CFAP77: variants seen among roughly 807,000 people sequenced by gnomAD.
CFAP77 encodes cilia- and flagella-associated protein 77.
A neutral mutation model predicts 31.1 loss-of-function variants in CFAP77; 25 were observed. The ratio of observed to expected loss-of-function variants is 0.80; its 90% CI spans 0.59 to 1.12. The LOEUF (loss-of-function observed/expected upper bound fraction) is 1.12, where lower values mean the gene tolerates loss of function less well. Among genes scored for constraint, CFAP77 ranks in the 50% most tolerant of loss-of-function variants. CFAP77 has a pLI of 0.00. For synonymous variants in CFAP77, 151 were observed against 159.9 expected (o/e 0.94, Z 0.42); for missense variants, 377 against 397.3 (o/e 0.95, Z 0.44).
intron 1 of CFAP77, among the ~76,000 whole-genome samples, chr9:132,459,228 C>T (rs943706155): frequency 2.0e-5 from 3 of 152,172 alleles, no homozygotes; most frequent in South Asian, 2.1e-4. Context: ...CCCGCCACCA[C>T]GCCCAGCTAA....
intron 1 of CFAP77, among the ~76,000 whole-genome samples, chr9:132,474,282 G>A (rs987775236): frequency 6.6e-6 from 1 of 152,182 alleles, no homozygotes; most frequent in South Asian, 2.1e-4. Flanking sequence ...CCTCTGTTCT[G>A]TTTGGCTTTC....
intron 1 of CFAP77, among the ~76,000 whole-genome samples, chr9:132,456,439 A>T (rs964319111): frequency 6.6e-5 from 10 of 152,222 alleles, no homozygotes; most frequent in Non-Finnish European, 1.3e-4. Flanking sequence ...GGCGCCAGGC[A>T]TGCGGTCAGA....
chr9:132,523,616 G>A (rs905258056), intron 3 of CFAP77, among the ~76,000 whole-genome samples: 6 of 152,302 alleles, frequency 3.9e-5, no homozygotes, highest in African/African-American at 9.6e-5. Context: ...AGGGGGGTCC[G>A]AGAACACCTG....
intron 5 of CFAP77, among the ~76,000 whole-genome samples, chr9:132,551,157 A>T (rs567311046): frequency 3.3e-5 from 5 of 152,304 alleles, no homozygotes; most frequent in Admixed American, 3.3e-4. Flanking sequence ...CAGTTTGACC[A>T]AAGTCCAGTA....
Position 132,530,136 on chromosome 9 carries a change from C to CTTTTTTTTTTTT in CFAP77, c.525-7455_525-7444dup, listed in dbSNP as rs750962954. Among the ~76,000 whole-genome samples the CTTTTTTTTTTTT allele has an allele frequency of 6.2e-3, 576 of 93,156 alleles. 1 individual carries two copies. The highest frequency in any genetic ancestry group is 0.018 in the Middle Eastern group (2 of 110). 61.1% of individuals were successfully genotyped at this position (93,156 alleles called of 152,430 possible). ...TTTGCCTCTTTTCTTTCTTTCTTTT[C>CTTTTTTTTTTTT]TTTTTTTTTTTTTTTTTTTTTGGTT... On this transcript the variant is annotated intron_variant, in intron 3 of 5. Transcript: ENST00000393216.
At chr9:132,561,602 T>G (rs1204827558) in intron 5 of CFAP77, among the ~76,000 whole-genome samples, 2 of 131,732 alleles carry the variant, frequency 1.5e-5, no homozygotes, top group Non-Finnish European at 3.2e-5. Context: ...TTGAGGTGCA[T>G]GTACACACAC....
chr9:132,441,821 G>T (rs760375614), intron 1 of CFAP77, among the ~76,000 whole-genome samples: 4 of 152,212 alleles, frequency 2.6e-5, no homozygotes, highest in Non-Finnish European at 4.4e-5. Context: ...TCCAAGGGTG[G>T]CTGGTGTGTC....
At chr9:132,538,004 C>CG (rs949588372) in intron 4 of CFAP77, among the ~76,000 whole-genome samples, 2 of 152,138 alleles carry the variant, frequency 1.3e-5, no homozygotes, top group Non-Finnish European at 2.9e-5. Context: ...ACTCCTACCT[C>CG]GGGACCCTTC....
intron 1 of CFAP77, among the ~76,000 whole-genome samples, chr9:132,440,719 C>T (rs564025651): frequency 7.6e-4 from 116 of 152,336 alleles, no homozygotes; most frequent in Non-Finnish European, 1.4e-3. Flanking sequence ...TCTGCTACCA[C>T]CCTGGGAGGG....
intron 5 of CFAP77, among the ~76,000 whole-genome samples, chr9:132,550,802 C>T (rs1852810149): frequency 6.6e-6 from 1 of 152,058 alleles, no homozygotes; most frequent in Non-Finnish European, 1.5e-5. Context: ...GGGGTGGAGA[C>T]CCAAAGCCAC....
intron 3 of CFAP77, among the ~76,000 whole-genome samples, chr9:132,508,010 G>A (rs1029482764): frequency 6.6e-5 from 10 of 152,200 alleles, no homozygotes; most frequent in Non-Finnish European, 1.5e-4. Flanking sequence ...AGAGCGCAGG[G>A]AGAATGTCAG....
At chr9:132,543,072 C>A (rs753565718) in intron 5 of CFAP77, 25 bp downstream of exon 5, 31 of 1,583,050 alleles carry the variant, frequency 2.0e-5, no homozygotes, top group Non-Finnish European at 2.7e-5. Flanking sequence ...CATCCACACC[C>A]CTCCCTGCAC....
intron 1 of CFAP77, among the ~76,000 whole-genome samples, chr9:132,450,588 A>T (rs2131712809): frequency 1.3e-5 from 2 of 152,334 alleles, no homozygotes; most frequent in African/African-American, 4.8e-5. Flanking sequence ...GTGCCTACCT[A>T]CATACAGCTG....
intron 1 of CFAP77, among the ~76,000 whole-genome samples, chr9:132,459,004 T>C (rs1177085951): frequency 6.6e-6 from 1 of 151,488 alleles, no homozygotes; most frequent in African/African-American, 2.4e-5. Flanking sequence ...GGGGTAAAAA[T>C]GAAAAGATAG....
At chr9:132,560,765 G>A (rs1384379451) in intron 5 of CFAP77, among the ~76,000 whole-genome samples, 4 of 152,090 alleles carry the variant, frequency 2.6e-5, no homozygotes, top group East Asian at 3.9e-4. Context: ...ATGGTCCCCC[G>A]CCCCATCCCC....
chr9:132,430,504 C>T (rs546016112), intron 1 of CFAP77, among the ~76,000 whole-genome samples: 1 of 152,184 alleles, frequency 6.6e-6, no homozygotes, highest in Admixed American at 6.5e-5. Flanking sequence ...AAGAATGTTT[C>T]CATTCTTCCC....
chr9:132,560,616 C>T (rs181623273), intron 5 of CFAP77, among the ~76,000 whole-genome samples: 18 of 152,318 alleles, frequency 1.2e-4, no homozygotes, highest in African/African-American at 3.1e-4. Context: ...CCTTCTGCTC[C>T]GGTAAGTCCC....
At chr9:132,546,018 C>T (rs1482220678) in intron 5 of CFAP77, among the ~76,000 whole-genome samples, 2 of 152,200 alleles carry the variant, frequency 1.3e-5, no homozygotes, top group Admixed American at 6.5e-5. Context: ...CCCCCAGGAC[C>T]GTGCCTGTCA....
intron 3 of CFAP77, among the ~76,000 whole-genome samples, chr9:132,500,459 G>A (rs1851823473): frequency 6.6e-6 from 1 of 152,240 alleles, no homozygotes; most frequent in African/African-American, 2.4e-5. Context: ...TACTGTTCAT[G>A]TTAAGATATG....
Sources: allele counts gnomAD v4.1 joint callset (sites outside exome capture counted in the v4.1 genomes callset), GRCh38; gene constraint gnomAD v4.1.1; transcripts MANE v1.5; gene names NCBI Gene and HGNC (gene_info 2026-07-23, HGNC 2026-07-21).